CDH13: variants seen among roughly 807,000 people sequenced by gnomAD.
CDH13 encodes the protein cadherin-13.
A neutral mutation model predicts 63.8 loss-of-function variants in CDH13; 24 were observed. The observed-to-expected ratio is 0.38, with a 90% CI of 0.27 to 0.53. The LOEUF (loss-of-function observed/expected upper bound fraction) is 0.53. CDH13 is among the 20% of genes least tolerant of loss of function. CDH13 has a pLI of 0.85. For synonymous variants in CDH13, 503 were observed against 355.3 expected, an observed-to-expected ratio of 1.42 and a Z score of -4.67; for missense variants, 1,049 against 903.1, an observed-to-expected ratio of 1.16 and a Z score of -2.07.
chr16:83,714,245 G>A (rs254326), intron 10 of CDH13, among the ~76,000 whole-genome samples: 36,953 of 152,138 alleles, frequency 0.24, 4,884 homozygotes, highest in Non-Finnish European at 0.3. Flanking sequence ...AGAGGATCAC[G>A]TTGCTTTAGT....
At chr16:82,859,193 A>G (rs1291551827) in intron 2 of CDH13, 1 of 152,264 alleles carries the variant, frequency 6.6e-6, no homozygotes, top group Non-Finnish European at 1.5e-5. Context: ...ACAAATAGCT[A>G]TTTCATTGTA....
At chr16:83,201,022 G>C (rs2039014181) in intron 4 of CDH13, among the ~76,000 whole-genome samples, 1 of 149,812 alleles carries the variant, frequency 6.7e-6, no homozygotes, top group East Asian at 2.0e-4. Context: ...TCTGTTGGAG[G>C]ATACCAGAAT....
intron 2 of CDH13, among the ~76,000 whole-genome samples, chr16:83,018,416 G>A (rs1464381230): frequency 1.3e-5 from 2 of 152,152 alleles, no homozygotes; most frequent in Non-Finnish European, 2.9e-5. Context: ...TAATGGATGA[G>A]TATGTTGAAC....
intron 5 of CDH13, among the ~76,000 whole-genome samples, chr16:83,280,448 G>T (rs1054014599): frequency 6.6e-6 from 1 of 152,158 alleles, no homozygotes; most frequent in Non-Finnish European, 1.5e-5. Context: ...TCTAGCTCTC[G>T]TACTGTTTCC....
intron 3 of CDH13, among the ~76,000 whole-genome samples, chr16:83,121,774 G>C (rs1000140006): frequency 6.6e-6 from 1 of 152,136 alleles, no homozygotes. Context: ...TAAAATTACT[G>C]AGTGAAGGGA....
At chr16:82,672,262 T>C (rs574828540) in intron 1 of CDH13, among the ~76,000 whole-genome samples, 1 of 152,234 alleles carries the variant, frequency 6.6e-6, no homozygotes, top group African/African-American at 2.4e-5. Flanking sequence ...TCAACTGATA[T>C]AATGTATGCA....
chr16:83,334,361 T>TCTCTCACACACACA (rs1272779883), intron 5 of CDH13, among the ~76,000 whole-genome samples: 211 of 85,610 alleles, frequency 2.5e-3, no homozygotes, highest in Admixed American at 3.9e-3. Flanking sequence ...TCTCTCTCTC[T>TCTCTCACACACACA]CACACACACA....
intron 2 of CDH13, among the ~76,000 whole-genome samples, chr16:82,895,842 A>T (rs1276842543): frequency 6.6e-6 from 1 of 152,222 alleles, no homozygotes; most frequent in Non-Finnish European, 1.5e-5. Context: ...TCCAGTATCA[A>T]CTTGCAGTAC....
rs191938807 is a variant in CDH13, at chr16:83,770,779, C to T, written c.1682-9189C>T. On this transcript the variant is annotated intron_variant, in intron 11 of 13. Transcript: ENST00000567109. ...GACCACGAGAGGTCACCCTTGTCAC[C>T]ATGTTGATTTTGGTGGGTTTTGGCC... Among the ~76,000 whole-genome samples, 294 of 152,256 alleles carry T rather than the reference C, an allele frequency of 1.9e-3. 3 individuals are homozygous for T. The highest frequency in any genetic ancestry group is 6.7e-3 in the African/African-American group (278 of 41,568).
intron 3 of CDH13, among the ~76,000 whole-genome samples, chr16:83,054,899 A>G (rs2030759104): frequency 6.6e-6 from 1 of 152,280 alleles, no homozygotes; most frequent in South Asian, 2.1e-4. Flanking sequence ...TGCATTCTGC[A>G]GTGTTCACGT....
intron 7 of CDH13, among the ~76,000 whole-genome samples, chr16:83,516,780 C>T (rs73605854): frequency 0.089 from 13,521 of 152,248 alleles, 711 homozygotes; most frequent in African/African-American, 0.14. Flanking sequence ...GAGAAGATGT[C>T]AAAAAGATAT....
chr16:83,655,297 T>G (rs1598421903), intron 8 of CDH13: 1 of 152,252 alleles, frequency 6.6e-6, no homozygotes, highest in East Asian at 1.9e-4. Flanking sequence ...TGTTCATTTA[T>G]TCACCAGAAT....
chr16:83,435,716 C>T (rs941708978), intron 6 of CDH13, among the ~76,000 whole-genome samples: 19 of 152,192 alleles, frequency 1.2e-4, no homozygotes, highest in African/African-American at 1.9e-4. Context: ...GTCTCTTCCT[C>T]TGATAAATCT....
chr16:83,334,350 C>G (rs1345129331), intron 5 of CDH13, among the ~76,000 whole-genome samples: 1 of 46,876 alleles, frequency 2.1e-5, no homozygotes, highest in Non-Finnish European at 4.0e-5. Context: ...CCCTCTCTCT[C>G]TCTCTCTCTC....
intron 7 of CDH13, among the ~76,000 whole-genome samples, chr16:83,585,416 G>A (rs931685816): frequency 3.3e-5 from 5 of 152,156 alleles, no homozygotes; most frequent in Admixed American, 6.5e-5. Context: ...TGTGGGAGAG[G>A]AGGCTTGACA....
chr16:83,659,376 CCACCAGGTCCCATGTCCTCAA>C (rs1267268557), intron 8 of CDH13, among the ~76,000 whole-genome samples: 23 of 152,028 alleles, frequency 1.5e-4, no homozygotes, highest in Non-Finnish European at 2.6e-4. Flanking sequence ...CATGTCCTCA[CCACCAGGTCCCATGTCCTCAA>C]CACCAGGTCC....
At chr16:83,723,193 G>T (rs144864342) in intron 10 of CDH13, among the ~76,000 whole-genome samples, 82 of 152,330 alleles carry the variant, frequency 5.4e-4, no homozygotes, top group African/African-American at 1.9e-3. Context: ...GAAGGATTTG[G>T]AAGTATCTGG....
intron 7 of CDH13, among the ~76,000 whole-genome samples, chr16:83,504,202 G>C (rs1418155446): frequency 6.6e-6 from 1 of 152,186 alleles, no homozygotes; most frequent in African/African-American, 2.4e-5. Flanking sequence ...GAGTGGAACA[G>C]GCTGGATTTT....
chr16:82,703,616 A>G (rs1374290031), intron 1 of CDH13, among the ~76,000 whole-genome samples: 3 of 152,096 alleles, frequency 2.0e-5, no homozygotes, highest in Admixed American at 2.0e-4. Context: ...CCTCCTAAAT[A>G]AGCTACTTAC....
Sources: gnomAD v4.1 joint callset for allele counts (sites outside exome capture counted in the v4.1 genomes callset) on GRCh38, gnomAD v4.1.1 for gene constraint, MANE v1.5 for transcripts, NCBI Gene and HGNC (gene_info 2026-07-23, HGNC 2026-07-21) for gene names.